HSD17B12: variants seen among roughly 807,000 people sequenced by gnomAD.
The protein encoded by HSD17B12 is very-long-chain 3-oxoacyl-CoA reductase.
Under a neutral mutation model 39.3 loss-of-function variants are expected in HSD17B12, and 32 were observed. That is an observed-to-expected ratio of 0.81 (90% CI 0.61 to 1.09). The LOEUF is 1.09. Among genes scored for constraint, HSD17B12 ranks in the 50% least tolerant of loss-of-function variants. The pLI, the probability that HSD17B12 is intolerant of heterozygous loss-of-function variation, is 0.00. For synonymous variants in HSD17B12, 150 were observed against 146.7 expected, an observed-to-expected ratio of 1.02 and a Z score of -0.16; for missense variants, 342 against 382.9, an observed-to-expected ratio of 0.89 and a Z score of 0.89.
intron 9 of HSD17B12, among the ~76,000 whole-genome samples, chr11:43,849,130 C>T (rs532452682): frequency 6.6e-6 from 1 of 151,960 alleles, no homozygotes; most frequent in Admixed American, 6.6e-5. Context: ...ATGGTGAAAC[C>T]CTGTCTCTAC....
chr11:43,812,437 A>G (rs1450061883), intron 4 of HSD17B12, among the ~76,000 whole-genome samples: 1 of 152,120 alleles, frequency 6.6e-6, no homozygotes, highest in Non-Finnish European at 1.5e-5. Flanking sequence ...ATGATATCTC[A>G]TTGTCATTTT....
chr11:43,666,603 C>A, the HSD17B12 span, among the ~76,000 whole-genome samples: 2 of 152,144 alleles, frequency 1.3e-5, no homozygotes, highest in African/African-American at 4.8e-5. Flanking sequence ...CTGGGCCTCC[C>A]AAAGTGCTGG....
At chr11:43,588,887 T>C in the HSD17B12 span, among the ~76,000 whole-genome samples, 1 of 151,850 alleles carries the variant, frequency 6.6e-6, no homozygotes, top group Non-Finnish European at 1.5e-5. Flanking sequence ...CTCTTTCTTG[T>C]TTCATTCTCC....
intron 4 of HSD17B12, among the ~76,000 whole-genome samples, chr11:43,800,865 G>A (rs986751126): frequency 1.5e-4 from 23 of 152,100 alleles, no homozygotes; most frequent in African/African-American, 4.6e-4. Context: ...TGGGCCGGGC[G>A]TGGTGGCTCA....
the HSD17B12 span, among the ~76,000 whole-genome samples, chr11:43,655,411 T>G: frequency 6.6e-6 from 1 of 152,218 alleles, no homozygotes; most frequent in African/African-American, 2.4e-5. Flanking sequence ...TTCTCCTGCC[T>G]GATTGCCCTC....
At chr11:43,781,302 G>C (rs1211823434) in intron 3 of HSD17B12, among the ~76,000 whole-genome samples, 1 of 152,030 alleles carries the variant, frequency 6.6e-6, no homozygotes, top group Admixed American at 6.6e-5. Flanking sequence ...TATTATGCAA[G>C]GATGCTATGA....
chr11:43,660,597 C>G, the HSD17B12 span, among the ~76,000 whole-genome samples: 2 of 152,224 alleles, frequency 1.3e-5, no homozygotes, highest in Non-Finnish European at 2.9e-5. Context: ...CAAACTGGTA[C>G]AGCCACTTTG....
At position 43,832,486 on chromosome 11, in the gene HSD17B12, C is replaced by T. The variant is rs115223005; in HGVS notation, c.536+1476C>T. ...AAATCCAGTGCATTAAATTAATTGA[C>T]AGTAACTTCCCTCCTTTGACAGATG... On this transcript the variant is annotated intron_variant, in intron 7 of 10. Transcript: ENST00000278353. Among the ~76,000 whole-genome samples the T allele has an allele frequency of 6.6e-3, 998 of 152,228 alleles. 18 individuals carry two copies. Among genetic ancestry groups the T allele is most frequent in the African/African-American group, 0.023 (936 of 41,542 alleles).
At chr11:43,637,575 A>G in the HSD17B12 span, among the ~76,000 whole-genome samples, 4 of 152,114 alleles carry the variant, frequency 2.6e-5, no homozygotes, top group East Asian at 1.9e-4. Context: ...CAGATCCTCT[A>G]TTGGGTCAGA....
At chr11:43,583,697 A>G in the HSD17B12 span, among the ~76,000 whole-genome samples, 1 of 151,064 alleles carries the variant, frequency 6.6e-6, no homozygotes, top group South Asian at 2.1e-4. Context: ...GGGTGCCTCT[A>G]TGTACCCTCA....
intron 1 of HSD17B12, among the ~76,000 whole-genome samples, chr11:43,716,270 G>A (rs1565060900): frequency 6.6e-6 from 1 of 152,112 alleles, no homozygotes; most frequent in East Asian, 1.9e-4. Flanking sequence ...CAAAACAAAA[G>A]CAACCACAAA....
At chr11:43,672,830 C>G in the HSD17B12 span, among the ~76,000 whole-genome samples, 1 of 152,174 alleles carries the variant, frequency 6.6e-6, no homozygotes. Flanking sequence ...CGTGAGTCGC[C>G]GCACCCTGGC....
intron 4 of HSD17B12, among the ~76,000 whole-genome samples, chr11:43,806,059 C>G (rs1023286513): frequency 6.6e-6 from 1 of 152,226 alleles, no homozygotes; most frequent in South Asian, 2.1e-4. Context: ...GTTCTAAGCC[C>G]TGTCCTGGTG....
the HSD17B12 span, among the ~76,000 whole-genome samples, chr11:43,662,124 C>G: frequency 6.6e-6 from 1 of 151,758 alleles, no homozygotes; most frequent in Non-Finnish European, 1.5e-5. Flanking sequence ...CACCTGAGAC[C>G]AGGAGTTCCA....
Position 43,855,347 on chromosome 11 carries a change from A to G in HSD17B12, c.*99A>G, listed in dbSNP as rs1951573208. 1 of 623,834 alleles carries G rather than the reference A, an allele frequency of 1.6e-6. No homozygotes were observed. 38.6% of individuals were successfully genotyped at this position (623,834 alleles called of 1,614,324 possible). ...TTTGAAAATCTGACCTTGTCATTTC[A>G]ATAGTTATTAACATGACTAAATATT... On this transcript the variant is annotated 3_prime_UTR_variant, in exon 11 of 11. Coordinates refer to ENST00000278353, the MANE Select transcript of HSD17B12 (RefSeq NM_016142.3).
chr11:43,713,592 T>C (rs1319002221), intron 1 of HSD17B12, among the ~76,000 whole-genome samples: 5 of 152,180 alleles, frequency 3.3e-5, no homozygotes, highest in East Asian at 1.9e-4. Context: ...TAAACATACG[T>C]GTGCATGTGT....
At chr11:43,789,278 G>A (rs1004539293) in intron 3 of HSD17B12, among the ~76,000 whole-genome samples, 23 of 152,186 alleles carry the variant, frequency 1.5e-4, no homozygotes, top group Admixed American at 5.2e-4. Context: ...ACCTATTTGA[G>A]GGTATTTGTT....
chr11:43,590,752 T>C, the HSD17B12 span, among the ~76,000 whole-genome samples: 3 of 150,624 alleles, frequency 2.0e-5, no homozygotes, highest in South Asian at 4.2e-4. Flanking sequence ...CCTTGTGATC[T>C]GCCCACCTCA....
At chr11:43,561,659 C>T in the HSD17B12 span, among the ~76,000 whole-genome samples, 1 of 152,080 alleles carries the variant, frequency 6.6e-6, no homozygotes, top group South Asian at 2.1e-4. Context: ...CCTTTCTAGC[C>T]TGTTCCTTCA....
Sources: allele counts gnomAD v4.1 joint callset (sites outside exome capture counted in the v4.1 genomes callset), GRCh38; gene constraint gnomAD v4.1.1; transcripts MANE v1.5; gene names NCBI Gene and HGNC (gene_info 2026-07-23, HGNC 2026-07-21).